Variants in ARHGEF4 observed in about 807,000 individuals in gnomAD.
ARHGEF4 encodes the protein APC-stimulated guanine nucleotide exchange factor 1.
ARHGEF4 carries 119 observed loss-of-function variants against 162.0 expected under a neutral mutation model. The observed-to-expected ratio is 0.73, with a 90% CI of 0.63 to 0.86. The LOEUF (loss-of-function observed/expected upper bound fraction) is 0.86. Ranked by LOEUF, ARHGEF4 falls within the 40% of genes least tolerant of loss-of-function variation. ARHGEF4 has a pLI of 0.00. For missense variants in ARHGEF4, 2,488 were observed against 2,456.0 expected (o/e 1.01, Z -0.28); for synonymous variants, 1,014 against 979.9 (o/e 1.03, Z -0.65).
intron 4 of ARHGEF4, among the ~76,000 whole-genome samples, chr2:130,996,412 T>C (rs1239076605): frequency 6.6e-6 from 1 of 152,234 alleles, no homozygotes; most frequent in Admixed American, 6.5e-5. Flanking sequence ...TTTTGAATTA[T>C]AGACTGCCAT....
chr2:130,911,591 G>A (rs1681189742), intron 1 of ARHGEF4, among the ~76,000 whole-genome samples: 1 of 152,202 alleles, frequency 6.6e-6, no homozygotes, highest in Non-Finnish European at 1.5e-5. Context: ...TTGAATTTCA[G>A]TATCTGTACA....
At chr2:130,879,045 G>A (rs1267938440) in intron 1 of ARHGEF4, among the ~76,000 whole-genome samples, 5 of 152,180 alleles carry the variant, frequency 3.3e-5, no homozygotes, top group African/African-American at 1.2e-4. Context: ...GAGGCATGTT[G>A]GAGCACCACG....
In ARHGEF4 at chr2:130,916,467, G is replaced by A; in HGVS notation, c.2521G>A (p.Ala841Thr). 2.6e-6 allele frequency: 4 copies of A among 1,543,608 alleles called. No individual in the cohort carries two copies. The highest frequency in any genetic ancestry group is 3.5e-6 in the Non-Finnish European group (4 of 1,145,966). ...CCCCAGGGAGAATCCGCCCGCTGCG[G>A]CCGGTCGGGACGCACCGCCTCTGCA... is the stretch of plus-strand genomic sequence containing the variant. Reference protein sequence around the residue: ...GLPRENPPAAAGRDAPPLHHG... With the variant: ...GLPRENPPAATGRDAPPLHHG... Residue 841 changes from alanine (A) to threonine (T), a missense_variant, in exon 2 of 14, where the codon GCC becomes ACC. Ala to Thr is a moderately conservative substitution (Grantham distance 58). Around this residue, in one of 6 missense-constraint regions of ARHGEF4, gnomAD observed 1,642 missense variants for 1,481.5 expected, o/e 1.11. Transcript: ENST00000409359.
At chr2:131,035,328 C>G in intron 5 of ARHGEF4, 1 of 1,161,084 alleles carries the variant, frequency 8.6e-7, no homozygotes, top group Non-Finnish European at 1.1e-6. Context: ...CGTTGCCACC[C>G]GCGGCCTCCG....
At chr2:130,866,629 T>A (rs1574121228) in intron 1 of ARHGEF4, among the ~76,000 whole-genome samples, 1 of 152,232 alleles carries the variant, frequency 6.6e-6, no homozygotes, top group East Asian at 1.9e-4. Flanking sequence ...TTTCTGCATC[T>A]ATTGATTGGT....
intron 5 of ARHGEF4, among the ~76,000 whole-genome samples, chr2:131,036,469 T>A (rs1690293194): frequency 1.3e-5 from 2 of 152,180 alleles, no homozygotes; most frequent in Admixed American, 1.3e-4. Flanking sequence ...TCCAGCTGAC[T>A]GGGCAGGACA....
chr2:130,984,301 A>C (rs890147629), intron 4 of ARHGEF4, among the ~76,000 whole-genome samples: 1 of 152,202 alleles, frequency 6.6e-6, no homozygotes, highest in Non-Finnish European at 1.5e-5. Flanking sequence ...ACAGCAGCAC[A>C]GAAACCTGGA....
Position 130,916,901 on chromosome 2 carries a change from C to G in ARHGEF4, c.2955C>G (p.Asp985Glu). Residue 985 changes from aspartate (D) to glutamate (E), a missense_variant, in exon 2 of 14, where the codon GAC becomes GAG. By Grantham distance (45) the Asp-to-Glu change is conservative. This residue lies in a region of ARHGEF4 where 1,642 missense variants were observed against 1,481.5 expected (regional missense o/e 1.11). Coordinates refer to ENST00000409359, the MANE Select transcript of ARHGEF4 (RefSeq NM_001367493.1). Reference sequence around the variant, plus strand: ...AAGTTCTCTCCCCAGCAGAGACCGACAGCCACTGTGAGGAACGGGCGGAGG... The same window carrying G: ...AAGTTCTCTCCCCAGCAGAGACCGAGAGCCACTGTGAGGAACGGGCGGAGG... ...GPEVLSPAET[D>E]SHCEERAEDK... 3 of 1,550,612 alleles carry G rather than the reference C, an allele frequency of 1.9e-6. No homozygotes were observed. Among genetic ancestry groups the G allele is most frequent in the Non-Finnish European group, 1.7e-6 (2 of 1,147,012 alleles).
intron 4 of ARHGEF4, among the ~76,000 whole-genome samples, chr2:130,969,029 T>C (rs1457700862): frequency 1.3e-5 from 2 of 152,192 alleles, no homozygotes; most frequent in African/African-American, 4.8e-5. Context: ...GCTTGCCTGC[T>C]CTCCCCTCTT....
intron 4 of ARHGEF4, among the ~76,000 whole-genome samples, chr2:131,021,886 T>A (rs1452532109): frequency 6.6e-6 from 1 of 152,250 alleles, no homozygotes; most frequent in Non-Finnish European, 1.5e-5. Flanking sequence ...ACTTGGTCAA[T>A]GCTTTTTCTG....
intron 4 of ARHGEF4, among the ~76,000 whole-genome samples, chr2:130,970,180 G>A (rs527438504): frequency 2.0e-5 from 3 of 152,166 alleles, no homozygotes; most frequent in Non-Finnish European, 4.4e-5. Context: ...GGGTTATATG[G>A]TAAGTGCGTG....
chr2:130,892,619 GC>G (rs897289265), intron 1 of ARHGEF4, among the ~76,000 whole-genome samples: 1 of 152,190 alleles, frequency 6.6e-6, no homozygotes, highest in Non-Finnish European at 1.5e-5. Flanking sequence ...AAGACCCCTT[GC>G]CCAAGGGCAC....
At chr2:130,854,846 T>A (rs528788607) in intron 1 of ARHGEF4, among the ~76,000 whole-genome samples, 240 of 140,314 alleles carry the variant, frequency 1.7e-3, no homozygotes, top group South Asian at 3.6e-3. Flanking sequence ...GGAGTCTGAC[T>A]TTTATTTATT....
chr2:130,899,246 G>A (rs1044933393), intron 1 of ARHGEF4, among the ~76,000 whole-genome samples: 8 of 152,202 alleles, frequency 5.3e-5, no homozygotes, highest in Non-Finnish European at 1.2e-4. Flanking sequence ...TACCAGGAGG[G>A]TGAAGGTTAT....
chr2:130,954,511 C>A (rs1684150195), intron 4 of ARHGEF4, among the ~76,000 whole-genome samples: 1 of 152,166 alleles, frequency 6.6e-6, no homozygotes, highest in African/African-American at 2.4e-5. Flanking sequence ...AACAAACCTG[C>A]ACGTTGTGCA....
intron 8 of ARHGEF4, among the ~76,000 whole-genome samples, chr2:131,040,687 ACTTG>A (rs1346723812): frequency 1.3e-5 from 2 of 152,184 alleles, no homozygotes; most frequent in African/African-American, 4.8e-5. Flanking sequence ...CCCAGGAAGG[ACTTG>A]CTTTGACAGA....
At chr2:130,864,057 G>A (rs1414592513) in intron 1 of ARHGEF4, among the ~76,000 whole-genome samples, 3 of 150,696 alleles carry the variant, frequency 2.0e-5, no homozygotes, top group African/African-American at 4.9e-5. Flanking sequence ...ATGGTGGCGG[G>A]CGCCTGTAGT....
At chr2:130,838,378 G>A (rs553601393) in intron 1 of ARHGEF4, among the ~76,000 whole-genome samples, 11 of 152,126 alleles carry the variant, frequency 7.2e-5, no homozygotes, top group South Asian at 4.1e-4. Flanking sequence ...GAGTGGGGGG[G>A]GCGGATCGCC....
chr2:130,957,795 G>A (rs6743349), intron 4 of ARHGEF4, among the ~76,000 whole-genome samples: 7 of 151,902 alleles, frequency 4.6e-5, no homozygotes, highest in Non-Finnish European at 1.0e-4. Flanking sequence ...ATGTGAAATC[G>A]GTAGTCTGCA....
Sources: gnomAD v4.1 joint callset for allele counts (sites outside exome capture counted in the v4.1 genomes callset) on GRCh38, gnomAD v4.1.1 for gene constraint, gnomAD v4.1.1 regional missense constraint, MANE v1.5 for transcripts, NCBI Gene and HGNC (gene_info 2026-07-23, HGNC 2026-07-21) for gene names.